RAPGEF4: variants seen among roughly 807,000 people sequenced by gnomAD.
The protein encoded by RAPGEF4 is RAP guanine-nucleotide-exchange factor (GEF) 4.
Under a neutral mutation model 147.9 loss-of-function variants are expected in RAPGEF4, and 66 were observed. That is an observed-to-expected ratio of 0.45 (90% confidence interval 0.37 to 0.55). The LOEUF is 0.55. Among genes scored for constraint, RAPGEF4 ranks in the 20% least tolerant of loss-of-function variants. RAPGEF4 has a pLI of 0.00. For synonymous variants in RAPGEF4, 419 were observed against 442.7 expected, an observed-to-expected ratio of 0.95 and a Z score of 0.67; for missense variants, 1,071 against 1,257.3, an observed-to-expected ratio of 0.85 and a Z score of 2.24.
At chr2:173,003,418 C>G (rs989013299) in intron 17 of RAPGEF4, among the ~76,000 whole-genome samples, 1 of 152,090 alleles carries the variant, frequency 6.6e-6, no homozygotes, top group African/African-American at 2.4e-5. Context: ...TTATCTAGGT[C>G]CCTCAGACCA....
At chr2:172,832,870 T>C (rs1690512477) in intron 4 of RAPGEF4, among the ~76,000 whole-genome samples, 1 of 152,252 alleles carries the variant, frequency 6.6e-6, no homozygotes, top group African/African-American at 2.4e-5. Context: ...TAGAATTGGC[T>C]CTTGGTATCC....
chr2:172,963,939 TG>T (rs1196584277), intron 8 of RAPGEF4, among the ~76,000 whole-genome samples: 1 of 152,222 alleles, frequency 6.6e-6, no homozygotes, highest in African/African-American at 2.4e-5. Flanking sequence ...AGCACAACTG[TG>T]TGTCTTTGTT....
chr2:172,853,600 T>C (rs993289257), intron 4 of RAPGEF4, among the ~76,000 whole-genome samples: 26 of 152,000 alleles, frequency 1.7e-4, no homozygotes, highest in Non-Finnish European at 2.5e-4. Flanking sequence ...TTGTTCTTTT[T>C]TTTTCTAGCT....
At chr2:172,914,089 T>TGGCA (rs1200361153) in intron 4 of RAPGEF4, among the ~76,000 whole-genome samples, 2 of 152,206 alleles carry the variant, frequency 1.3e-5, no homozygotes, top group Non-Finnish European at 2.9e-5. Flanking sequence ...TTCTTTGTCA[T>TGGCA]GGCGTCATAC....
intron 17 of RAPGEF4, among the ~76,000 whole-genome samples, chr2:173,013,467 T>G (rs533111737): frequency 6.6e-6 from 1 of 152,356 alleles, no homozygotes; most frequent in South Asian, 2.1e-4. Context: ...GTGAAGTACT[T>G]TGTGTGCAAG....
intron 4 of RAPGEF4, among the ~76,000 whole-genome samples, chr2:172,856,455 T>C (rs1469247789): frequency 1.3e-5 from 2 of 152,188 alleles, no homozygotes; most frequent in African/African-American, 4.8e-5. Context: ...GGATGGGTTA[T>C]TTTTTTGTGT....
intron 17 of RAPGEF4, among the ~76,000 whole-genome samples, chr2:173,011,681 C>T (rs1695039085): frequency 6.6e-6 from 1 of 152,100 alleles, no homozygotes; most frequent in African/African-American, 2.4e-5. Context: ...TAGCATGGTG[C>T]TTTACTCAAA....
At chr2:172,857,370 G>A (rs774245632) in intron 4 of RAPGEF4, among the ~76,000 whole-genome samples, 1 of 152,070 alleles carries the variant, frequency 6.6e-6, no homozygotes, top group Non-Finnish European at 1.5e-5. Flanking sequence ...GAACGTATAG[G>A]GCCTTATGGT....
intron 4 of RAPGEF4, chr2:172,894,324 A>G (rs1329376035): frequency 6.6e-6 from 1 of 152,238 alleles, no homozygotes; most frequent in African/African-American, 2.4e-5. Flanking sequence ...TGTCCTGTAG[A>G]AACAGTTGTA....
intron 4 of RAPGEF4, among the ~76,000 whole-genome samples, chr2:172,883,680 C>T (rs974686323): frequency 1.3e-5 from 2 of 152,086 alleles, no homozygotes; most frequent in Non-Finnish European, 2.9e-5. Context: ...TTTTTCTCTC[C>T]TAGAAGATGT....
chr2:172,860,050 C>T, intron 4 of RAPGEF4: 2 of 985,316 alleles, frequency 2.0e-6, no homozygotes, highest in Non-Finnish European at 2.4e-6. Flanking sequence ...TTTAGATTAC[C>T]AATGATAAAG....
At chr2:172,785,863 T>C (rs1486868321) in intron 1 of RAPGEF4, among the ~76,000 whole-genome samples, 2 of 152,080 alleles carry the variant, frequency 1.3e-5, no homozygotes, top group African/African-American at 2.4e-5. Context: ...GAATCTGCTG[T>C]CCCAAGAGGT....
At chr2:172,948,722 A>C (rs113232593) in intron 6 of RAPGEF4, among the ~76,000 whole-genome samples, 150 of 152,334 alleles carry the variant, frequency 9.8e-4, no homozygotes, top group African/African-American at 3.5e-3. Context: ...CAAATACTGC[A>C]TGCTCTCACT....
intron 27 of RAPGEF4, among the ~76,000 whole-genome samples, chr2:173,034,394 G>C (rs942791571): frequency 1.3e-5 from 2 of 152,194 alleles, no homozygotes; most frequent in African/African-American, 2.4e-5. Flanking sequence ...GCAGGGCAGA[G>C]AGTGAGTGAG....
At chr2:173,041,641 A>G (rs1293241995) in intron 29 of RAPGEF4, among the ~76,000 whole-genome samples, 1 of 152,252 alleles carries the variant, frequency 6.6e-6, no homozygotes, top group Non-Finnish European at 1.5e-5. Context: ...CAGTTTTATC[A>G]ATGGAAAATA....
intron 1 of RAPGEF4, among the ~76,000 whole-genome samples, chr2:172,792,840 TGC>T (rs1685962309): frequency 1.3e-5 from 2 of 152,244 alleles, no homozygotes; most frequent in Non-Finnish European, 2.9e-5. Flanking sequence ...ATAATGTACC[TGC>T]CACTTACACA....
intron 4 of RAPGEF4, among the ~76,000 whole-genome samples, chr2:172,846,722 A>G (rs1159008136): frequency 1.8e-4 from 27 of 152,190 alleles, no homozygotes; most frequent in Admixed American, 1.8e-3. Context: ...GCTTTACTGT[A>G]GGAGACAGAG....
intron 4 of RAPGEF4, among the ~76,000 whole-genome samples, chr2:172,830,313 T>C (rs62168142): frequency 0.19 from 29,538 of 152,190 alleles, 3,526 homozygotes; most frequent in Middle Eastern, 0.31. Flanking sequence ...AGAAATACTT[T>C]GCCGAAAGAG....
intron 3 of RAPGEF4, among the ~76,000 whole-genome samples, chr2:172,809,781 C>T (rs1360321092): frequency 2.6e-5 from 4 of 152,192 alleles, no homozygotes; most frequent in Admixed American, 1.3e-4. Context: ...AAGCCCCTCA[C>T]CTCCCCTCCA....
Sources: allele counts gnomAD v4.1 joint callset (sites outside exome capture counted in the v4.1 genomes callset), GRCh38; gene constraint gnomAD v4.1.1; transcripts MANE v1.5; gene names NCBI Gene and HGNC (gene_info 2026-07-23, HGNC 2026-07-21).